Variants in CSMD1 observed in about 807,000 individuals in gnomAD.
CSMD1 encodes the protein CUB and Sushi multiple domains 1.
A neutral mutation model predicts 417.5 loss-of-function variants in CSMD1; 213 were observed. That is an observed-to-expected ratio of 0.51 (90% CI 0.46 to 0.57). The LOEUF is 0.57. Ranked by LOEUF, CSMD1 falls within the 20% of genes least tolerant of loss-of-function variation. The probability of loss-of-function intolerance (pLI) is 0.00; values close to 1 mark genes in which losing one functional copy is unlikely to be tolerated. For missense variants in CSMD1, 6,923 were observed against 4,529.7 expected (o/e 1.53, Z -15.17); for synonymous variants, 2,862 against 1,736.8 (o/e 1.65, Z -16.11).
At chr8:4,102,256 A>G (rs781370235) in intron 3 of CSMD1, among the ~76,000 whole-genome samples, 64 of 152,298 alleles carry the variant, frequency 4.2e-4, no homozygotes, top group Non-Finnish European at 7.6e-4. Flanking sequence ...GTTTTTAGAT[A>G]TGCTATACTT....
At chr8:3,990,788 G>C (rs1402755252) in intron 5 of CSMD1, among the ~76,000 whole-genome samples, 1 of 152,136 alleles carries the variant, frequency 6.6e-6, no homozygotes, top group Non-Finnish European at 1.5e-5. Context: ...CATGAGGAAG[G>C]AGAGGGGAGG....
intron 2 of CSMD1, among the ~76,000 whole-genome samples, chr8:4,517,450 A>G (rs1289272279): frequency 6.6e-6 from 1 of 152,188 alleles, no homozygotes; most frequent in Non-Finnish European, 1.5e-5. Flanking sequence ...TTTCACAGAG[A>G]TGTGATCATT....
At chr8:3,696,088 C>T (rs115601936) in intron 7 of CSMD1, among the ~76,000 whole-genome samples, 2,948 of 152,228 alleles carry the variant, frequency 0.019, 87 homozygotes, top group African/African-American at 0.064. Context: ...GGGAATGAGA[C>T]ATTTCCTACA....
intron 11 of CSMD1, among the ~76,000 whole-genome samples, chr8:3,481,306 T>C (rs1440823193): frequency 2.0e-5 from 3 of 151,956 alleles, no homozygotes; most frequent in Non-Finnish European, 4.4e-5. Flanking sequence ...GAGGAATCTA[T>C]ACAATATAAA....
At chr8:3,121,616 C>A (rs560012667) in intron 41 of CSMD1, among the ~76,000 whole-genome samples, 46 of 152,276 alleles carry the variant, frequency 3.0e-4, no homozygotes, top group Non-Finnish European at 5.7e-4. Context: ...GAGCTCCAGA[C>A]ATCACCTCTT....
chr8:4,658,828 T>C (rs75422122), intron 1 of CSMD1, among the ~76,000 whole-genome samples: 5,013 of 152,250 alleles, frequency 0.033, 126 homozygotes, highest in East Asian at 0.12. Context: ...TTTATGAGGA[T>C]ATAATATGTT....
chr8:3,249,234 G>A (rs1289665790), intron 26 of CSMD1, among the ~76,000 whole-genome samples: 2 of 152,058 alleles, frequency 1.3e-5, no homozygotes, highest in Non-Finnish European at 2.9e-5. Context: ...TGCTGCTGTT[G>A]TTATTGAGAT....
At chr8:3,122,991 G>A (rs1324782065) in intron 41 of CSMD1, among the ~76,000 whole-genome samples, 1 of 152,178 alleles carries the variant, frequency 6.6e-6, no homozygotes, top group African/African-American at 2.4e-5. Flanking sequence ...TTCGAAGGAA[G>A]AATATTCAAA....
chr8:4,404,966 G>T lies in CSMD1; in HGVS notation c.415+14987C>A, dbSNP rs958143094. Among the ~76,000 whole-genome samples the T allele has an allele frequency of 3.3e-5, 5 of 152,146 alleles. No homozygotes were observed. The East Asian group carries it at 7.7e-4, about 23-fold the overall frequency. On this transcript the variant is annotated intron_variant, in intron 3 of 69. Coordinates refer to ENST00000635120, the MANE Select transcript of CSMD1 (RefSeq NM_033225.6). Reference sequence around the variant, plus strand: ...ATCCTCTTTTGGAAATATGGAAACCGAGGCACAAGAGGATTAGTCATTTTC... The same window carrying T: ...ATCCTCTTTTGGAAATATGGAAACCTAGGCACAAGAGGATTAGTCATTTTC...
At chr8:4,090,745 C>A (rs1800674102) in intron 3 of CSMD1, among the ~76,000 whole-genome samples, 1 of 152,064 alleles carries the variant, frequency 6.6e-6, no homozygotes, top group African/African-American at 2.4e-5. Context: ...TAAACCAACA[C>A]ATATAAAAAT....
At chr8:3,241,697 G>T (rs547700902) in intron 26 of CSMD1, among the ~76,000 whole-genome samples, 31 of 152,288 alleles carry the variant, frequency 2.0e-4, no homozygotes, top group Non-Finnish European at 2.9e-4. Flanking sequence ...CCTGGGGGAG[G>T]TGTTTCTGGA....
chr8:3,743,041 G>T (rs932862832), intron 6 of CSMD1, among the ~76,000 whole-genome samples: 2 of 152,170 alleles, frequency 1.3e-5, no homozygotes, highest in South Asian at 2.1e-4. Context: ...TGTCTCACTT[G>T]ACCGCCATGG....
At chr8:3,832,342 G>A (rs999122470) in intron 5 of CSMD1, among the ~76,000 whole-genome samples, 3 of 151,972 alleles carry the variant, frequency 2.0e-5, no homozygotes, top group Non-Finnish European at 4.4e-5. Flanking sequence ...AATATATACC[G>A]CAAATCTCCT....
At chr8:3,377,759 G>C (rs4551381) in intron 18 of CSMD1, among the ~76,000 whole-genome samples, 121,951 of 152,196 alleles carry the variant, frequency 0.8, 49,270 homozygotes, top group African/African-American at 0.9. Flanking sequence ...GAAACACCAG[G>C]TTAAGGGCTG....
chr8:4,755,762 C>G (rs1312199181), intron 1 of CSMD1, among the ~76,000 whole-genome samples: 1 of 152,146 alleles, frequency 6.6e-6, no homozygotes, highest in Non-Finnish European at 1.5e-5. Flanking sequence ...CTTTTTGAAT[C>G]TCCCTCCAAA....
chr8:3,143,759 A>T (rs570691314), intron 40 of CSMD1, among the ~76,000 whole-genome samples: 1 of 152,336 alleles, frequency 6.6e-6, no homozygotes, highest in South Asian at 2.1e-4. Flanking sequence ...ACTTTAAAAA[A>T]ATTTTTGCAT....
chr8:4,608,477 G>C (rs1008244608), intron 2 of CSMD1, among the ~76,000 whole-genome samples: 1 of 152,206 alleles, frequency 6.6e-6, no homozygotes, highest in Admixed American at 6.5e-5. Flanking sequence ...GAGACAGAGT[G>C]TCAAGAAACT....
At chr8:3,821,893 C>A (rs1338396845) in intron 5 of CSMD1, among the ~76,000 whole-genome samples, 2 of 152,210 alleles carry the variant, frequency 1.3e-5, no homozygotes, top group South Asian at 2.1e-4. Flanking sequence ...AAACCATGAA[C>A]TGTGCTTCCA....
intron 5 of CSMD1, among the ~76,000 whole-genome samples, chr8:3,955,176 C>A (rs1811857758): frequency 6.6e-6 from 1 of 152,198 alleles, no homozygotes; most frequent in Non-Finnish European, 1.5e-5. Context: ...TCCTGTCCTC[C>A]ACCACCCGTG....
Sources: gnomAD v4.1 joint callset for allele counts (sites outside exome capture counted in the v4.1 genomes callset) on GRCh38, gnomAD v4.1.1 for gene constraint, MANE v1.5 for transcripts, NCBI Gene and HGNC (gene_info 2026-07-23, HGNC 2026-07-21) for gene names.